The following TIMM21 variants were observed in gnomAD, a reference collection of about 807,000 sequenced individuals.
TIMM21 encodes the protein translocase of inner mitochondrial membrane 21, also known as mitochondrial import inner membrane translocase subunit Tim21.
TIMM21 carries 30 observed loss-of-function variants against 27.7 expected under a neutral mutation model. That is an observed-to-expected ratio of 1.08 (90% confidence interval 0.81 to 1.47). TIMM21 has a LOEUF of 1.47. Ranked by LOEUF, TIMM21 falls within the 40% of genes most tolerant of loss-of-function variation. TIMM21 has a pLI of 0.00. For missense variants in TIMM21, 292 were observed against 302.9 expected (o/e 0.96, Z 0.27); for synonymous variants, 121 against 114.4 (o/e 1.06, Z -0.37).
In TIMM21 at chr18:74,155,313, G is replaced by A. The variant is rs1326031259; in HGVS notation, c.372G>A (p.Leu124=). 6.2e-7 allele frequency: 1 copy of A among 1,613,304 alleles called. No individual in the cohort carries two copies. The highest frequency in any genetic ancestry group is 1.7e-5 in the Admixed American group (1 of 59,860). The part of the protein sequence containing the change: ...VLFGISITGG[L]FYTIFKELFS... ...TGTTTTCTGTGATTTCAGGTGGCTT[G>A]TTTTACACGATTTTCAAAGAACTTT... Residue 124 remains leucine (L), a synonymous_variant, in exon 3 of 6, where the codon TTG becomes TTA. Transcript: ENST00000169551.
intron 1 of TIMM21, among the ~76,000 whole-genome samples, chr18:74,151,467 A>G (rs1286842151): frequency 6.6e-6 from 1 of 152,124 alleles, no homozygotes; most frequent in Non-Finnish European, 1.5e-5. Context: ...CAGCCTTGCC[A>G]TTAGTTATGA....
intron 1 of TIMM21, among the ~76,000 whole-genome samples, chr18:74,154,506 C>T (rs1979896908): frequency 6.6e-6 from 1 of 151,958 alleles, no homozygotes. Context: ...CGTGATCCGC[C>T]TGCCTCGGCC....
chr18:74,157,528 T>C (rs933980039), intron 3 of TIMM21: 2 of 154,636 alleles, frequency 1.3e-5, no homozygotes, highest in African/African-American at 2.4e-5. Context: ...AAATTATTTA[T>C]GGGATGATTT....
intron 1 of TIMM21, among the ~76,000 whole-genome samples, chr18:74,150,423 T>C (rs745781824): frequency 2.0e-5 from 3 of 152,194 alleles, no homozygotes; most frequent in Non-Finnish European, 4.4e-5. Flanking sequence ...TAATTTAAAA[T>C]TGAACTGAAA....
rs1980050271 is a variant in TIMM21 at position 74,159,592 on chromosome 18, A to G, written c.*1112A>G. 1 of 152,100 alleles carries G rather than the reference A, an allele frequency of 6.6e-6. No individual in the cohort carries two copies. The highest frequency in any genetic ancestry group is 2.4e-5 in the African/African-American group (1 of 41,398). 9.4% of individuals were successfully genotyped at this position (152,100 alleles called of 1,614,324 possible). On this transcript the variant is annotated 3_prime_UTR_variant, in exon 6 of 6. Transcript: ENST00000169551. ...TTTACTTTATCTCCCTGCTTAATTT[A>G]GTTAGTTTCTTGGTTTGACTGCTTG...
rs1320328107 is a variant in TIMM21, at chr18:74,158,447, T to C, written c.714T>C (p.Ile238=). The C allele has an allele frequency of 1.0e-5, 16 of 1,599,684 alleles. No individual in the cohort carries two copies. Among genetic ancestry groups the C allele is most frequent in the Non-Finnish European group, 1.3e-5 (15 of 1,168,430 alleles). Residue 238 remains isoleucine, a synonymous_variant, in exon 6 of 6, where the codon ATT becomes ATC. Transcript: ENST00000169551. ...TTGAATCTTATCCTAGAAGAACTAT[T>C]ATCATTGAAGATAATCGATCCCAAG... ...VEIESYPRRT[I]IIEDNRSQDD
In TIMM21 at chr18:74,158,197, T is replaced by A; in HGVS notation, c.563T>A (p.Leu188Gln). ...TTCACTGAATATGTAAAAGATGGGC[T>A]GAAACACACGTGTGTGAAATTCTAC... ...VRFTEYVKDG[L>Q]KHTCVKFYIE... is the part of the protein sequence containing the mutation. The change falls in exon 5 of 6, where the codon CTG (leucine) becomes CAG (glutamine). Residue 188 changes from leucine (L) to glutamine (Q), a missense_variant. Coordinates refer to ENST00000169551, the MANE Select transcript of TIMM21 (RefSeq NM_014177.3). 6.2e-7 allele frequency: 1 copy of A among 1,614,144 alleles called. No individual in the cohort carries two copies. The highest frequency in any genetic ancestry group is 1.1e-5 in the South Asian group (1 of 91,070).
chr18:74,157,234 T>C (rs1457225744), intron 3 of TIMM21: 2 of 152,352 alleles, frequency 1.3e-5, no homozygotes, highest in South Asian at 4.1e-4. Context: ...TAAATGTCAT[T>C]ATCTGTTTTC....
In TIMM21 at chr18:74,152,197, C is replaced by T. The variant is rs1979828753; in HGVS notation, c.302-2948C>T. ...AATTGGGATTCAAGATTTTTTACAA[C>T]ATTGACCTCAAGGGCCCCCTACCCA... On this transcript the variant is annotated intron_variant, in intron 1 of 5. Transcript: ENST00000169551. This position sits in a 1 kb window ranked among gnomAD's most constrained non-coding sequence, Gnocchi z 4.1. Among the ~76,000 whole-genome samples, 2 of 152,090 alleles carry T rather than the reference C, an allele frequency of 1.3e-5. No homozygotes were observed. Among genetic ancestry groups the T allele is most frequent in the South Asian group, 4.2e-4 (2 of 4,818 alleles).
intron 1 of TIMM21, 79 bp from the exon 2 acceptor site, chr18:74,155,066 G>T (rs1291110480): frequency 2.8e-6 from 4 of 1,428,474 alleles, no homozygotes; most frequent in Admixed American, 3.4e-5. Flanking sequence ...CTTTTCTCTC[G>T]CAAGAAGTGC....
intron 1 of TIMM21, among the ~76,000 whole-genome samples, chr18:74,149,975 T>A (rs941137607): frequency 6.6e-6 from 1 of 152,148 alleles, no homozygotes; most frequent in Non-Finnish European, 1.5e-5. Flanking sequence ...CATTCCCAAA[T>A]ATGGAATATG....
chr18:74,148,708 C>T lies in TIMM21; in HGVS notation c.-101C>T, dbSNP rs1391879144. The T allele has an allele frequency of 3.3e-6, 4 of 1,218,386 alleles. No homozygotes were observed. The highest frequency in any genetic ancestry group is 3.0e-5 in the African/African-American group (2 of 65,912). The allele number at this position is 1,218,386 out of a possible 1,614,324, so 75.5% of individuals were successfully genotyped here. On this transcript the variant is annotated 5_prime_UTR_variant, in exon 1 of 6. It adds an upstream start codon to the 5' untranslated region. Transcript: ENST00000169551. ...TGCCTAACACCCCATGTAATGTAAACGTATAGGCTTGAGTACGTGTCCGGC... is the reference window on the plus strand; with the variant it reads ...TGCCTAACACCCCATGTAATGTAAATGTATAGGCTTGAGTACGTGTCCGGC...
intron 1 of TIMM21, among the ~76,000 whole-genome samples, chr18:74,151,710 G>A (rs1423833282): frequency 6.6e-6 from 1 of 152,154 alleles, no homozygotes. Context: ...AGGCTGTTGA[G>A]CCTTTCGTCC....
Position 74,159,145 on chromosome 18 carries a change from C to T in TIMM21, c.*665C>T, listed in dbSNP as rs1980037716. ...TAGGATGGCAGTGTGATGAGAGGTA[C>T]AAGCCTGGACCATAGAAGGCAGCCA... On this transcript the variant is annotated 3_prime_UTR_variant, in exon 6 of 6. Transcript: ENST00000169551. 1.3e-5 allele frequency: 2 copies of T among 152,704 alleles called. No individual in the cohort carries two copies. Among genetic ancestry groups the T allele is most frequent in the African/African-American group, 2.4e-5 (1 of 41,494 alleles). 9.5% of individuals were successfully genotyped at this position (152,704 alleles called of 1,614,324 possible).
chr18:74,160,474 C>T lies in TIMM21; in HGVS notation c.*1994C>T, dbSNP rs1980070966. 1 of 152,198 alleles carries T rather than the reference C, an allele frequency of 6.6e-6. No homozygotes were observed. The highest frequency in any genetic ancestry group is 2.4e-5 in the African/African-American group (1 of 41,438). The allele number at this position is 152,198 out of a possible 1,614,324, so 9.4% of individuals were successfully genotyped here. ...CTCTCTAGATCTCTGTTTTCATTCC[C>T]TCTGATGTACCCTACTAAATGTTAA... On this transcript the variant is annotated 3_prime_UTR_variant, in exon 6 of 6. Transcript: ENST00000169551.
rs1980027993 is a variant in TIMM21 at position 74,158,753 on chromosome 18, T to C, written c.*273T>C. ...GATTAGAAATGTTTGTTATTGGAAA[T>C]GTTACACCATGTAAATAAAGGAAAT... On this transcript the variant is annotated 3_prime_UTR_variant, in exon 6 of 6. Coordinates refer to ENST00000169551, the MANE Select transcript of TIMM21 (RefSeq NM_014177.3). 2 of 328,318 alleles carry C rather than the reference T, an allele frequency of 6.1e-6. No homozygotes were observed. The highest frequency in any genetic ancestry group is 6.9e-5 in the South Asian group (2 of 29,118). The allele number at this position is 328,318 out of a possible 1,614,324, so 20.3% of individuals were successfully genotyped here.
intron 1 of TIMM21, among the ~76,000 whole-genome samples, chr18:74,153,980 T>C (rs1283648319): frequency 6.6e-6 from 1 of 152,190 alleles, no homozygotes; most frequent in Admixed American, 6.5e-5. Context: ...GTGAAAAGCA[T>C]AGTCGTAATT....
rs1979684136 is a variant in TIMM21, at chr18:74,148,764, A to G, written c.-45A>G. ...GTGTAGTGAACCCTAAAGCTTTCCT[A>G]ATTGTAGTTAGCATCGTCCCTAAGC... is the stretch of plus-strand genomic sequence containing the variant. On this transcript the variant is annotated 5_prime_UTR_variant, in exon 1 of 6. Coordinates refer to ENST00000169551, the MANE Select transcript of TIMM21 (RefSeq NM_014177.3). 1 of 1,574,108 alleles carries G rather than the reference A, an allele frequency of 6.4e-7. No individual in the cohort carries two copies. Among genetic ancestry groups the G allele is most frequent in the Non-Finnish European group, 8.7e-7 (1 of 1,152,788 alleles).
rs1980045361 is a variant in TIMM21 at position 74,159,400 on chromosome 18, G to A, written c.*920G>A. On this transcript the variant is annotated 3_prime_UTR_variant, in exon 6 of 6. Coordinates refer to ENST00000169551, the MANE Select transcript of TIMM21 (RefSeq NM_014177.3). ...ATCTATGTAAGTGCTATGTGCATTG[G>A]GAGGGGTCTAGAACCATGTTTATCT... 6.6e-6 allele frequency: 1 copy of A among 151,878 alleles called. No individual in the cohort carries two copies. The highest frequency in any genetic ancestry group is 2.4e-5 in the African/African-American group (1 of 41,322). 9.4% of individuals were successfully genotyped at this position (151,878 alleles called of 1,614,324 possible).
Sources: gnomAD v4.1 joint callset for allele counts (sites outside exome capture counted in the v4.1 genomes callset) on GRCh38, gnomAD v4.1.1 for gene constraint, Gnocchi (gnomAD v3.1) non-coding constraint, MANE v1.5 for transcripts, NCBI Gene and HGNC (gene_info 2026-07-23, HGNC 2026-07-21) for gene names.